Variants in BLTP1 observed in about 807,000 individuals in gnomAD.
BLTP1 encodes the protein bridge-like lipid transfer protein family member 1, also known as fragile site-associated protein.
chr4:122,315,444 ACTT>A, the BLTP1 span: 2 of 1,613,620 alleles, frequency 1.2e-6, no homozygotes, highest in South Asian at 2.2e-5. Flanking sequence ...CAAAAATGCA[ACTT>A]CTTTATTTAA....
the BLTP1 span, chr4:122,287,468 G>C: frequency 2.2e-6 from 1 of 459,728 alleles, no homozygotes; most frequent in Non-Finnish European, 2.9e-6. Flanking sequence ...CTTAAGTCTC[G>C]AGACCTAGCT....
chr4:122,183,476 C>A, the BLTP1 span: 1 of 985,110 alleles, frequency 1.0e-6, no homozygotes, highest in East Asian at 1.1e-4. Context: ...TCACTTGCCT[C>A]TGGATACTGC....
chr4:122,291,788 A>G, the BLTP1 span: 13 of 974,600 alleles, frequency 1.3e-5, no homozygotes, highest in African/African-American at 5.3e-5. Context: ...TGCAAATAAT[A>G]TAATAGCGTC....
the BLTP1 span, among the ~76,000 whole-genome samples, chr4:122,158,770 CA>C: frequency 8.8e-5 from 13 of 147,428 alleles, no homozygotes; most frequent in African/African-American, 2.2e-4. Flanking sequence ...GACTCCGTCT[CA>C]AAAAAAAAAT....
the BLTP1 span, chr4:122,204,470 A>G: frequency 2.2e-6 from 2 of 902,176 alleles, no homozygotes; most frequent in Non-Finnish European, 1.3e-6. Flanking sequence ...GAGGAACTTG[A>G]GGCATAGAAA....
the BLTP1 span, chr4:122,274,313 T>C: frequency 8.7e-7 from 1 of 1,153,806 alleles, no homozygotes; most frequent in Non-Finnish European, 1.3e-6. Flanking sequence ...ATATCCAGAA[T>C]TCAAATAAAT....
chr4:122,244,048 T>TA, the BLTP1 span: 1 of 1,555,964 alleles, frequency 6.4e-7, no homozygotes, highest in South Asian at 1.2e-5. Context: ...TGTCTAGAAA[T>TA]ACAACTGTTG....
At chr4:122,282,948 A>C in the BLTP1 span, among the ~76,000 whole-genome samples, 2 of 151,958 alleles carry the variant, frequency 1.3e-5, no homozygotes, top group Non-Finnish European at 2.9e-5. Flanking sequence ...AATTCTTCAT[A>C]AATTCTGTAT....
At chr4:122,205,924 T>C in the BLTP1 span, 5 of 984,146 alleles carry the variant, frequency 5.1e-6, no homozygotes, top group Non-Finnish European at 4.8e-6. Flanking sequence ...GCTGGGAGTG[T>C]ACAATGCATG....
At chr4:122,186,305 A>G in the BLTP1 span, 2 of 955,120 alleles carry the variant, frequency 2.1e-6, no homozygotes, top group Non-Finnish European at 1.5e-6. Context: ...CTATGCACCT[A>G]AACAGAGCCT....
chr4:122,181,446 A>C, the BLTP1 span: 2 of 152,314 alleles, frequency 1.3e-5, no homozygotes, highest in Non-Finnish European at 2.9e-5. Flanking sequence ...CATATGCCCC[A>C]ATTAGGCTTC....
the BLTP1 span, among the ~76,000 whole-genome samples, chr4:122,212,800 C>G: frequency 6.6e-6 from 1 of 152,084 alleles, no homozygotes. Context: ...TTTAAAGCAA[C>G]TTTTTGGTAG....
chr4:122,177,976 G>A, the BLTP1 span: 31,962 of 298,668 alleles, frequency 0.11, 2,329 homozygotes, highest in African/African-American at 0.26. Context: ...GACTTGTTTT[G>A]TTCTGTACTG....
the BLTP1 span, chr4:122,187,630 C>A: frequency 9.7e-7 from 1 of 1,030,430 alleles, no homozygotes; most frequent in Non-Finnish European, 1.4e-6. Context: ...TTTTTTAGTT[C>A]CCATTTCTGT....
chr4:122,224,509 T>A, the BLTP1 span: 13 of 1,612,318 alleles, frequency 8.1e-6, no homozygotes, highest in Non-Finnish European at 1.1e-5. Flanking sequence ...AGCGACCCCC[T>A]GTGGATGAAG....
chr4:122,267,311 G>A, the BLTP1 span, among the ~76,000 whole-genome samples: 82 of 151,918 alleles, frequency 5.4e-4, no homozygotes, highest in East Asian at 0.012. Flanking sequence ...CACCCGCCTC[G>A]GCCTCCCAAA....
the BLTP1 span, chr4:122,220,156 T>C: frequency 4.3e-6 from 1 of 231,744 alleles, no homozygotes; most frequent in African/African-American, 2.3e-5. Context: ...CTCTGTTGCT[T>C]AGTGCAGCTA....
At chr4:122,229,415 A>G in the BLTP1 span, among the ~76,000 whole-genome samples, 1 of 152,184 alleles carries the variant, frequency 6.6e-6, no homozygotes, top group South Asian at 2.1e-4. Flanking sequence ...TATTTTTTTC[A>G]AGGCATACTT....
At chr4:122,172,284 TTC>T in the BLTP1 span, 86 of 703,504 alleles carry the variant, frequency 1.2e-4, 4 homozygotes, top group South Asian at 5.2e-3. Flanking sequence ...TTCTATAACT[TTC>T]TCATAATTTA....
Sources: allele counts gnomAD v4.1 joint callset (sites outside exome capture counted in the v4.1 genomes callset), GRCh38; gene constraint gnomAD v4.1.1; transcripts MANE v1.5; gene names NCBI Gene and HGNC (gene_info 2026-07-23, HGNC 2026-07-21).